PRKD3: variants seen among roughly 807,000 people sequenced by gnomAD.
The protein encoded by PRKD3 is serine/threonine-protein kinase D3.
Under a neutral mutation model 99.2 loss-of-function variants are expected in PRKD3, and 47 were observed. The observed-to-expected ratio is 0.47, with a 90% CI of 0.38 to 0.60. PRKD3 has a LOEUF of 0.60. Among genes scored for constraint, PRKD3 ranks in the 20% least tolerant of loss-of-function variants. PRKD3 has a pLI of 0.00. For synonymous variants in PRKD3, 392 were observed against 355.4 expected (o/e 1.10, Z -1.16); for missense variants, 1,019 against 1,088.4 (o/e 0.94, Z 0.90).
At chr2:37,299,928 A>G (rs1670848655) in intron 2 of PRKD3, among the ~76,000 whole-genome samples, 3 of 152,148 alleles carry the variant, frequency 2.0e-5, no homozygotes, top group South Asian at 2.1e-4. Flanking sequence ...CTTATACACT[A>G]TTGGTGGGAA....
At chr2:37,298,089 G>A (rs1218118529) in intron 2 of PRKD3, among the ~76,000 whole-genome samples, 2 of 151,942 alleles carry the variant, frequency 1.3e-5, no homozygotes, top group East Asian at 1.9e-4. Context: ...ATAGACTCAT[G>A]GATATTTACT....
At chr2:37,298,781 T>C (rs954866643) in intron 2 of PRKD3, among the ~76,000 whole-genome samples, 10 of 152,234 alleles carry the variant, frequency 6.6e-5, no homozygotes, top group Non-Finnish European at 1.2e-4. Context: ...TTTTGTATCC[T>C]ACATCTTTAC....
intron 2 of PRKD3, among the ~76,000 whole-genome samples, chr2:37,298,065 T>G (rs1307863128): frequency 6.6e-6 from 1 of 152,204 alleles, no homozygotes; most frequent in Non-Finnish European, 1.5e-5. Flanking sequence ...TTCACAACAT[T>G]TATATATATC....
intron 2 of PRKD3, among the ~76,000 whole-genome samples, chr2:37,298,198 G>T (rs983226649): frequency 6.6e-6 from 1 of 151,958 alleles, no homozygotes; most frequent in African/African-American, 2.4e-5. Flanking sequence ...AAGAGTAGAC[G>T]GCACACCCAT....
At position 37,272,284 on chromosome 2, in the gene PRKD3, T is replaced by G. The variant is rs371527177; in HGVS notation, c.1704+96A>C. The G allele has an allele frequency of 2.8e-4, 429 of 1,537,698 alleles. 8 individuals are homozygous for G. In the South Asian group the frequency reaches 5.0e-3, roughly 18 times the overall value. The stretch of plus-strand genomic sequence containing the variant: ...CAACCGCAAAGTCTAGCCTAGTACT[T>G]TGGGCGATGAACCAATTTCTCTAAT... On this transcript the variant is annotated intron_variant, in intron 12 of 18. Coordinates refer to ENST00000234179, the MANE Select transcript of PRKD3 (RefSeq NM_005813.6).
intron 7 of PRKD3, among the ~76,000 whole-genome samples, chr2:37,280,501 A>G (rs141666650): frequency 2.0e-5 from 3 of 152,368 alleles, no homozygotes; most frequent in African/African-American, 7.2e-5. Flanking sequence ...ATTTTTGACA[A>G]GAGTGTCAAG....
At position 37,316,903 on chromosome 2, in the gene PRKD3, A is replaced by T; in HGVS notation, c.-379T>A. 1 of 1,009,520 alleles carries T rather than the reference A, an allele frequency of 9.9e-7. No homozygotes were observed. The highest frequency in any genetic ancestry group is 1.2e-6 in the Non-Finnish European group (1 of 845,518). The allele number at this position is 1,009,520 out of a possible 1,614,324, so 62.5% of individuals were successfully genotyped here. ...ATTTCAGGAAATACATATTGAATAA[A>T]AGTTGTTTTTCTGTCAAGGTGAAAT... On this transcript the variant is annotated 5_prime_UTR_variant, in exon 2 of 19. Transcript: ENST00000234179.
At chr2:37,299,511 T>TACACACACACACAC (rs70949749) in intron 2 of PRKD3, among the ~76,000 whole-genome samples, 9 of 132,502 alleles carry the variant, frequency 6.8e-5, no homozygotes, top group Admixed American at 7.6e-5. Flanking sequence ...TCTACTAAAA[T>TACACACACACACAC]ACACACACAC....
Position 37,253,176 on chromosome 2 carries a change from AT to A in PRKD3, c.2673del (p.Ter891TyrfsTer3), listed in dbSNP as rs79875666. 3 of 1,599,458 alleles carry A rather than the reference AT, an allele frequency of 1.9e-6. No individual in the cohort carries two copies. Among genetic ancestry groups the A allele is most frequent in the Non-Finnish European group, 2.6e-6 (3 of 1,171,180 alleles). ...CTTCCTTATTTAGGTTAGCTCAGTG[AT>A]TAAGGATCTTCTTCCATATCATCTG... ...PNPDDMEEDP* is the reference protein window; with the variant it reads ...PNPDDMEEDPX On this transcript the variant is annotated frameshift_variant and stop_lost, in exon 19 of 19. Transcript: ENST00000234179. LOFTEE classifies it high-confidence loss of function.
intron 2 of PRKD3, among the ~76,000 whole-genome samples, chr2:37,296,781 T>C (rs887996884): frequency 7.3e-5 from 11 of 151,134 alleles, no homozygotes; most frequent in African/African-American, 2.7e-4. Flanking sequence ...GCGCCTGTAG[T>C]CCCAGCTACT....
chr2:37,263,257 C>A (rs947507317), intron 14 of PRKD3, among the ~76,000 whole-genome samples: 1 of 152,078 alleles, frequency 6.6e-6, no homozygotes, highest in African/African-American at 2.4e-5. Flanking sequence ...ATTTTGATTT[C>A]GCTCTTTGAT....
rs528693249 is a variant in PRKD3 at position 37,260,102 on chromosome 2, T to C, written c.2046+121A>G. The C allele has an allele frequency of 8.0e-4, 668 of 835,394 alleles. 12 individuals are homozygous for C. In the South Asian group the frequency reaches 0.012, roughly 15 times the overall value. The allele number at this position is 835,394 out of a possible 1,614,324, so 51.7% of individuals were successfully genotyped here. ...ATCACTTGAATCCAGGAGGCAGAGGTTGCAGTGAGCCAGATTGCACCACTG... is the reference window on the plus strand; with the variant it reads ...ATCACTTGAATCCAGGAGGCAGAGGCTGCAGTGAGCCAGATTGCACCACTG... On this transcript the variant is annotated intron_variant, in intron 15 of 18. Coordinates refer to ENST00000234179, the MANE Select transcript of PRKD3 (RefSeq NM_005813.6).
At position 37,277,859 on chromosome 2, in the gene PRKD3, T is replaced by A; in HGVS notation, c.1296+7A>T. The A allele has an allele frequency of 6.2e-7, 1 of 1,610,534 alleles. No individual in the cohort carries two copies. The highest frequency in any genetic ancestry group is 8.5e-7 in the Non-Finnish European group (1 of 1,178,774). ...ACTAGCATATTCAAATGTATTTGAT[T>A]ACTGACCAGGTTATCCCTGCTGGTG... is the stretch of plus-strand genomic sequence containing the variant. On this transcript the variant is annotated splice_region_variant and intron_variant, in intron 9 of 18. Coordinates refer to ENST00000234179, the MANE Select transcript of PRKD3 (RefSeq NM_005813.6).
chr2:37,287,230 CAAAAAAAAAAAAAAAAAAAAAAAA>C (rs754092348), intron 5 of PRKD3, among the ~76,000 whole-genome samples: 8 of 53,650 alleles, frequency 1.5e-4, no homozygotes, highest in Admixed American at 3.0e-4. Flanking sequence ...AACTCCATCT[CAAAAAAAAAAAAAAAAAAAAAAAA>C]AAAAAAAAAA....
chr2:37,315,772 G>A (rs1425866291), intron 2 of PRKD3, among the ~76,000 whole-genome samples: 1 of 152,236 alleles, frequency 6.6e-6, no homozygotes, highest in African/African-American at 2.4e-5. Flanking sequence ...CCAGGCTGGA[G>A]TGCAGTGGCG....
At chr2:37,298,108 T>A (rs954370654) in intron 2 of PRKD3, among the ~76,000 whole-genome samples, 1 of 152,200 alleles carries the variant, frequency 6.6e-6, no homozygotes, top group Non-Finnish European at 1.5e-5. Context: ...CTTTATACTT[T>A]CAGATATAAT....
At chr2:37,277,765 G>A in intron 9 of PRKD3, 101 bp downstream of exon 9, 2 of 1,305,676 alleles carry the variant, frequency 1.5e-6, no homozygotes, top group Non-Finnish European at 1.1e-6. Flanking sequence ...TGTATATAAT[G>A]TCTTAATATG....
chr2:37,292,577 A>C (rs886341807), intron 3 of PRKD3, among the ~76,000 whole-genome samples: 1 of 151,768 alleles, frequency 6.6e-6, no homozygotes, highest in Non-Finnish European at 1.5e-5. Flanking sequence ...TGATCTCCTG[A>C]CCTCGTGATC....
intron 2 of PRKD3, among the ~76,000 whole-genome samples, chr2:37,298,627 A>G (rs571321088): frequency 6.6e-6 from 1 of 152,086 alleles, no homozygotes; most frequent in Non-Finnish European, 1.5e-5. Context: ...TTTTCATTGT[A>G]GAGATCTTTC....
Sources: gnomAD v4.1 joint callset for allele counts (sites outside exome capture counted in the v4.1 genomes callset) on GRCh38, gnomAD v4.1.1 for gene constraint, MANE v1.5 for transcripts, NCBI Gene and HGNC (gene_info 2026-07-23, HGNC 2026-07-21) for gene names.